Variants in OGDH observed in about 807,000 individuals in gnomAD.
OGDH encodes the protein oxoglutarate dehydrogenase.
OGDH carries 38 observed loss-of-function variants against 116.6 expected under a neutral mutation model. The ratio of observed to expected loss-of-function variants is 0.33; its 90% CI spans 0.25 to 0.43. The LOEUF (loss-of-function observed/expected upper bound fraction) is 0.43, where lower values mean the gene tolerates loss of function less well. Ranked by LOEUF, OGDH falls within the 20% of genes least tolerant of loss-of-function variation. The pLI is 1.00. For synonymous variants in OGDH, 488 were observed against 533.3 expected (o/e 0.92, Z 1.17); for missense variants, 825 against 1,357.2 (o/e 0.61, Z 6.16).
At chr7:44,683,164 A>G (rs903207016) in intron 10 of OGDH, among the ~76,000 whole-genome samples, 8 of 152,244 alleles carry the variant, frequency 5.3e-5, no homozygotes, top group African/African-American at 1.7e-4. Context: ...AAATAAGTAA[A>G]TAAATAAATA....
rs1452741546 is a variant in OGDH at position 44,697,490 on chromosome 7, C to A, written c.2172C>A (p.Gly724=). 2 of 1,614,102 alleles carry A rather than the reference C, an allele frequency of 1.2e-6. No individual in the cohort carries two copies. The highest frequency in any genetic ancestry group is 1.7e-6 in the Non-Finnish European group (2 of 1,180,012). ...GCAACAGCTCACTGTCTGAGTACGG[C>A]GTGCTGGGTGAGTGCCTGGAGCCAC... The part of the protein sequence containing the change: ...TVCNSSLSEY[G]VLGFELGFAM... The change falls in exon 16 of 23, where the codon GGC becomes GGA. Residue 724 remains glycine (G), a synonymous_variant. Transcript: ENST00000222673. The surrounding 1 kb of genome is among the most constrained non-coding windows in gnomAD (Gnocchi z 6.0).
rs192779308 is a variant in OGDH at position 44,666,011 on chromosome 7, T to C, written c.518-725T>C. Among the ~76,000 whole-genome samples, 12 of 152,330 alleles carry C rather than the reference T, an allele frequency of 7.9e-5. No individual in the cohort carries two copies. In the East Asian group the frequency reaches 2.3e-3, roughly 29 times the overall value. On this transcript the variant is annotated intron_variant, in intron 4 of 22. Transcript: ENST00000222673. ...GAATATTAGTGCTTACTCAGTTGGTTCCCGCTGAGTGATTGGAGTCAGGAG... is the reference window on the plus strand; with the variant it reads ...GAATATTAGTGCTTACTCAGTTGGTCCCCGCTGAGTGATTGGAGTCAGGAG...
At chr7:44,696,762 A>G in intron 14 of OGDH, 152 bp from the exon 15 acceptor site, 1 of 1,195,260 alleles carries the variant, frequency 8.4e-7, no homozygotes, top group Non-Finnish European at 1.2e-6. Flanking sequence ...TCAGTGGTAA[A>G]GGAGAGACTG....
At chr7:44,696,782 C>G (rs1357569042) in intron 14 of OGDH, 132 bp from the exon 15 acceptor site, 1 of 1,288,154 alleles carries the variant, frequency 7.8e-7, no homozygotes, top group Non-Finnish European at 1.1e-6. Flanking sequence ...GAGGTCACAG[C>G]TTTTCCAGCA....
At chr7:44,646,000 A>G (rs1205107113) in intron 3 of OGDH, among the ~76,000 whole-genome samples, 1 of 152,184 alleles carries the variant, frequency 6.6e-6, no homozygotes, top group Non-Finnish European at 1.5e-5. Context: ...AGCTGAGCCT[A>G]CAGAGAGTGA....
chr7:44,689,392 C>CTTTTTTTTTTTTT (rs561058807), intron 10 of OGDH, among the ~76,000 whole-genome samples: 6 of 71,268 alleles, frequency 8.4e-5, no homozygotes, highest in Admixed American at 1.5e-4. Flanking sequence ...ATTTTTTTTT[C>CTTTTTTTTTTTTT]TTTTTTTTTT....
rs769947062 is a variant in OGDH at position 44,707,634 on chromosome 7, A to T, written c.2849A>T (p.Asn950Ile). 6.2e-7 allele frequency: 1 copy of T among 1,614,150 alleles called. No individual in the cohort carries two copies. The highest frequency in any genetic ancestry group is 1.6e-4 in the Middle Eastern group (1 of 6,062). Residue 950 changes from asparagine (N) to isoleucine (I), a missense_variant, in exon 22 of 23, where the codon AAT becomes ATT. Transcript: ENST00000222673. This position sits in a 1 kb window ranked among gnomAD's most constrained non-coding sequence, Gnocchi z 5.2. Reference protein sequence around the residue: ...LLLKEVQKYPNAELAWCQEEH... With the variant: ...LLLKEVQKYPIAELAWCQEEH... ...CTGAAGGAGGTGCAGAAGTACCCCAATGCTGAGCTGGCCTGGTGCCAGGAG... is the reference window on the plus strand; with the variant it reads ...CTGAAGGAGGTGCAGAAGTACCCCATTGCTGAGCTGGCCTGGTGCCAGGAG...
chr7:44,633,921 G>A (rs766617014), intron 2 of OGDH, among the ~76,000 whole-genome samples: 12 of 152,308 alleles, frequency 7.9e-5, no homozygotes, highest in East Asian at 1.9e-4. Context: ...GAAAGACTGC[G>A]TGAGAAAGGG....
At chr7:44,684,260 A>G (rs1425190445) in intron 10 of OGDH, among the ~76,000 whole-genome samples, 2 of 152,152 alleles carry the variant, frequency 1.3e-5, no homozygotes, top group African/African-American at 2.4e-5. Context: ...AGACTGACGC[A>G]AGGAAGTGAT....
intron 9 of OGDH, among the ~76,000 whole-genome samples, chr7:44,678,146 A>C (rs1787778874): frequency 6.6e-6 from 1 of 151,980 alleles, no homozygotes. Context: ...ACTAGATGCA[A>C]AGAGGCCTTA....
chr7:44,688,431 CTTT>C (rs375502677), intron 10 of OGDH, among the ~76,000 whole-genome samples: 2 of 128,240 alleles, frequency 1.6e-5, no homozygotes, highest in African/African-American at 2.9e-5. Context: ...TTTATATATA[CTTT>C]TTTTTTTTTT....
At position 44,679,333 on chromosome 7, in the gene OGDH, G is replaced by A. The variant is rs558733742; in HGVS notation, c.1207-2387G>A. Among the ~76,000 whole-genome samples the A allele has an allele frequency of 4.6e-5, 7 of 152,218 alleles. No homozygotes were observed. In the South Asian group the frequency reaches 1.4e-3, roughly 32 times the overall value. ...ACACTCAGGCAGCCTGGGCATCGTA[G>A]CAAAGCTGCACACCTCCAAGGGGGC... On this transcript the variant is annotated intron_variant, in intron 9 of 22. Coordinates refer to ENST00000222673, the MANE Select transcript of OGDH (RefSeq NM_002541.4).
At chr7:44,646,032 A>C (rs1786163365) in intron 3 of OGDH, among the ~76,000 whole-genome samples, 1 of 152,216 alleles carries the variant, frequency 6.6e-6, no homozygotes, top group African/African-American at 2.4e-5. Context: ...GGAACTCTCC[A>C]AAAGTATTGC....
chr7:44,663,939 CAAAAAAAA>C (rs753085347), intron 4 of OGDH, among the ~76,000 whole-genome samples: 30 of 117,740 alleles, frequency 2.5e-4, no homozygotes, highest in Admixed American at 2.3e-3. Context: ...GACCCTGTCT[CAAAAAAAA>C]AAAAAGAAAA....
At chr7:44,670,897 A>G (rs560899882) in intron 5 of OGDH, among the ~76,000 whole-genome samples, 17 of 151,384 alleles carry the variant, frequency 1.1e-4, no homozygotes, top group Non-Finnish European at 2.2e-4. Flanking sequence ...TGTAGTCCCA[A>G]CTACTCGGGA....
At chr7:44,640,754 C>G (rs921788586) in intron 2 of OGDH, among the ~76,000 whole-genome samples, 3 of 152,072 alleles carry the variant, frequency 2.0e-5, no homozygotes, top group African/African-American at 7.2e-5. Flanking sequence ...CATGCCCTAT[C>G]CATGAACCTG....
chr7:44,678,652 T>C (rs1428841569), intron 9 of OGDH, among the ~76,000 whole-genome samples: 1 of 152,168 alleles, frequency 6.6e-6, no homozygotes, highest in African/African-American at 2.4e-5. Context: ...TGTGGATAGC[T>C]GCCAGGCCCT....
intron 1 of OGDH, among the ~76,000 whole-genome samples, chr7:44,619,297 T>C (rs775140440): frequency 7.9e-5 from 12 of 152,162 alleles, no homozygotes; most frequent in Non-Finnish European, 1.3e-4. Flanking sequence ...GTAAGACAAC[T>C]GGGGGCTTGC....
At chr7:44,663,735 C>T (rs552598166) in intron 4 of OGDH, among the ~76,000 whole-genome samples, 2 of 152,204 alleles carry the variant, frequency 1.3e-5, no homozygotes, top group African/African-American at 2.4e-5. Flanking sequence ...GATGGTGCCA[C>T]GGCACTCTAG....
Sources: allele counts gnomAD v4.1 joint callset (sites outside exome capture counted in the v4.1 genomes callset), GRCh38; gene constraint gnomAD v4.1.1; non-coding constraint Gnocchi (gnomAD v3.1); transcripts MANE v1.5; gene names NCBI Gene and HGNC (gene_info 2026-07-23, HGNC 2026-07-21).